Variants in GALNT17 observed in about 807,000 individuals in gnomAD.
GALNT17 encodes the protein UDP-GalNAc:polypeptide N-acetylgalactosaminyltransferase-like 3.
In GALNT17, 29 loss-of-function variants were observed where a neutral mutation model predicts 63.7. That is an observed-to-expected ratio of 0.46 (90% CI 0.34 to 0.62). The LOEUF is 0.62. Among genes scored for constraint, GALNT17 ranks in the 20% least tolerant of loss-of-function variants. The pLI is 0.01. For synonymous variants in GALNT17, 305 were observed against 318.3 expected (o/e 0.96, Z 0.45); for missense variants, 603 against 799.6 (o/e 0.75, Z 2.97).
At chr7:71,496,832 G>A (rs1788103689) in intron 5 of GALNT17, among the ~76,000 whole-genome samples, 1 of 152,106 alleles carries the variant, frequency 6.6e-6, no homozygotes, top group Non-Finnish European at 1.5e-5. Context: ...CTAGCACTTT[G>A]GGCGGCCAAG....
At chr7:71,400,929 G>T (rs1338742722) in intron 3 of GALNT17, among the ~76,000 whole-genome samples, 2 of 152,112 alleles carry the variant, frequency 1.3e-5, no homozygotes, top group African/African-American at 4.8e-5. Context: ...GGAAGGCAAT[G>T]GACTTCACTT....
At chr7:71,399,485 C>T (rs553049086) in intron 3 of GALNT17, among the ~76,000 whole-genome samples, 1 of 152,164 alleles carries the variant, frequency 6.6e-6, no homozygotes, top group African/African-American at 2.4e-5. Flanking sequence ...TCTGATTCTG[C>T]GTTCTAGCTT....
At chr7:71,489,488 G>T (rs1787971206) in intron 5 of GALNT17, among the ~76,000 whole-genome samples, 1 of 152,202 alleles carries the variant, frequency 6.6e-6, no homozygotes, top group South Asian at 2.1e-4. Flanking sequence ...TGTAAAAAGA[G>T]GATAAGAAAG....
chr7:71,688,219 G>A (rs149079134), intron 9 of GALNT17, among the ~76,000 whole-genome samples: 2 of 152,144 alleles, frequency 1.3e-5, no homozygotes, highest in Non-Finnish European at 2.9e-5. Context: ...GTCTTACCTC[G>A]TTGCATGCAG....
At chr7:71,186,133 C>T (rs1444526856) in intron 1 of GALNT17, among the ~76,000 whole-genome samples, 1 of 152,222 alleles carries the variant, frequency 6.6e-6, no homozygotes, top group East Asian at 1.9e-4. Context: ...ATGCAACCCA[C>T]ATTTTTGAAC....
chr7:71,643,434 C>T (rs889234468), intron 6 of GALNT17, among the ~76,000 whole-genome samples: 5 of 152,172 alleles, frequency 3.3e-5, no homozygotes, highest in Non-Finnish European at 7.3e-5. Flanking sequence ...CACCACTACA[C>T]TCCAACCTGG....
chr7:71,473,293 C>T (rs1036412422), intron 5 of GALNT17, among the ~76,000 whole-genome samples: 1 of 152,142 alleles, frequency 6.6e-6, no homozygotes, highest in African/African-American at 2.4e-5. Context: ...TATCTCTTTT[C>T]GGACCTTAAT....
At chr7:71,581,043 G>T (rs763903678) in intron 6 of GALNT17, among the ~76,000 whole-genome samples, 34 of 152,152 alleles carry the variant, frequency 2.2e-4, no homozygotes, top group Non-Finnish European at 3.4e-4. Context: ...GTGCATGGCT[G>T]GGGAGGCCTC....
intron 1 of GALNT17, among the ~76,000 whole-genome samples, chr7:71,248,798 G>A (rs559879251): frequency 2.0e-4 from 31 of 152,194 alleles, no homozygotes; most frequent in African/African-American, 7.2e-4. Context: ...CTATAAGGTC[G>A]GTATCTACAG....
intron 5 of GALNT17, among the ~76,000 whole-genome samples, chr7:71,476,231 T>C (rs1787720350): frequency 6.6e-6 from 1 of 152,210 alleles, no homozygotes; most frequent in Non-Finnish European, 1.5e-5. Flanking sequence ...GTGTTTTCAC[T>C]GTTAGCTGTG....
chr7:71,137,044 C>G (rs1229214393), intron 1 of GALNT17, among the ~76,000 whole-genome samples: 13 of 149,086 alleles, frequency 8.7e-5, no homozygotes, highest in Non-Finnish European at 1.8e-4. Flanking sequence ...CACCCCACAC[C>G]CCACCTCAGG....
chr7:71,400,189 C>T (rs955333441), intron 3 of GALNT17, among the ~76,000 whole-genome samples: 3 of 151,974 alleles, frequency 2.0e-5, no homozygotes, highest in African/African-American at 7.3e-5. Context: ...TGTGATGCTC[C>T]CCTCTCTGTG....
chr7:71,710,477 C>T (rs1791776578), intron 9 of GALNT17, among the ~76,000 whole-genome samples: 1 of 152,110 alleles, frequency 6.6e-6, no homozygotes, highest in Non-Finnish European at 1.5e-5. Context: ...CATTGCACTC[C>T]AGACAGGACA....
intron 5 of GALNT17, among the ~76,000 whole-genome samples, chr7:71,540,030 T>A (rs566853525): frequency 1.4e-3 from 200 of 146,246 alleles, no homozygotes; most frequent in Non-Finnish European, 1.7e-3. Flanking sequence ...CTGGGCTCAA[T>A]CAGTCTTCCT....
chr7:71,707,439 C>CT, intron 9 of GALNT17, among the ~76,000 whole-genome samples: 1 of 152,320 alleles, frequency 6.6e-6, no homozygotes, highest in East Asian at 1.9e-4. Flanking sequence ...GGCTACTAGC[C>CT]TAGTACAGGC....
chr7:71,688,184 A>G (rs1222789088), intron 9 of GALNT17, among the ~76,000 whole-genome samples: 1 of 152,136 alleles, frequency 6.6e-6, no homozygotes, highest in East Asian at 1.9e-4. Flanking sequence ...CTCCTTTTGC[A>G]TTCCAATGCA....
chr7:71,302,237 A>G (rs1427949805), intron 1 of GALNT17, among the ~76,000 whole-genome samples: 1 of 152,100 alleles, frequency 6.6e-6, no homozygotes, highest in Non-Finnish European at 1.5e-5. Flanking sequence ...GAAAATAGCT[A>G]ATGCATGCGG....
At chr7:71,493,604 T>C (rs1169875603) in intron 5 of GALNT17, among the ~76,000 whole-genome samples, 1 of 152,110 alleles carries the variant, frequency 6.6e-6, no homozygotes, top group Non-Finnish European at 1.5e-5. Flanking sequence ...ACTTGTTCAC[T>C]ATCATGAGAA....
rs904606939 is a variant in GALNT17, at chr7:71,132,575, G to A, written c.-228G>A. The A allele has an allele frequency of 3.7e-6, 2 of 536,228 alleles. No individual in the cohort carries two copies. Among genetic ancestry groups the A allele is most frequent in the South Asian group, 2.5e-5 (1 of 40,816 alleles). 33.2% of individuals were successfully genotyped at this position (536,228 alleles called of 1,614,324 possible). On this transcript the variant is annotated 5_prime_UTR_variant, in exon 1 of 11. Coordinates refer to ENST00000333538, the MANE Select transcript of GALNT17 (RefSeq NM_022479.3). The stretch of plus-strand genomic sequence containing the variant: ...GTGGACTGAGCAGGCGTCTCGGGGA[G>A]CACTTCTGCAGAGCGAGGACTTCCA...
Sources: gnomAD v4.1 joint callset for allele counts (sites outside exome capture counted in the v4.1 genomes callset) on GRCh38, gnomAD v4.1.1 for gene constraint, MANE v1.5 for transcripts, NCBI Gene and HGNC (gene_info 2026-07-23, HGNC 2026-07-21) for gene names.